The following LY96 variants were observed in gnomAD, a reference collection of about 807,000 sequenced individuals.
The protein encoded by LY96 is lymphocyte antigen 96, also known as myeloid differentiation protein-2.
In LY96, 18 loss-of-function variants were observed where a neutral mutation model predicts 18.9. The ratio of observed to expected loss-of-function variants is 0.95; its 90% CI spans 0.66 to 1.41. The LOEUF is 1.41. LY96 is among the 40% of genes most tolerant of loss of function. The probability of loss-of-function intolerance (pLI) is 0.00; values close to 1 mark genes in which losing one functional copy is unlikely to be tolerated. For missense variants in LY96, 175 were observed against 182.4 expected (o/e 0.96, Z 0.23); for synonymous variants, 66 against 62.6 (o/e 1.06, Z -0.26).
intron 3 of LY96, among the ~76,000 whole-genome samples, chr8:74,013,446 T>C (rs867105562): frequency 5.9e-5 from 9 of 152,226 alleles, no homozygotes; most frequent in Middle Eastern, 6.8e-3. Context: ...TAATTTTAAA[T>C]TTAATTTTAT....
At chr8:74,064,291 A>G in the LY96 span, among the ~76,000 whole-genome samples, 8,221 of 152,208 alleles carry the variant, frequency 0.054, 296 homozygotes, top group African/African-American at 0.1. Context: ...TATGTAATAT[A>G]GATTGGATAT....
chr8:74,053,578 A>C, the LY96 span, among the ~76,000 whole-genome samples: 1 of 152,182 alleles, frequency 6.6e-6, no homozygotes, highest in East Asian at 1.9e-4. Context: ...TCTAGGGGTC[A>C]TGCTATTTCA....
At chr8:74,088,091 AATAGAATAG>A in the LY96 span, among the ~76,000 whole-genome samples, 675 of 121,118 alleles carry the variant, frequency 5.6e-3, 4 homozygotes, top group African/African-American at 0.019. Context: ...AGAAGAATAG[AATAGAATAG>A]AATAGAATAG....
chr8:74,052,663 C>T, the LY96 span: 2 of 152,260 alleles, frequency 1.3e-5, no homozygotes, highest in East Asian at 3.9e-4. Flanking sequence ...GGCAGGAGCT[C>T]CACATGCTTC....
At chr8:74,003,675 C>T (rs1816347906) in intron 1 of LY96, among the ~76,000 whole-genome samples, 1 of 152,160 alleles carries the variant, frequency 6.6e-6, no homozygotes, top group Non-Finnish European at 1.5e-5. Context: ...TGTTTTTCCT[C>T]TCCCTATGTT....
At chr8:74,099,091 T>C in the LY96 span, among the ~76,000 whole-genome samples, 2 of 152,242 alleles carry the variant, frequency 1.3e-5, no homozygotes, top group Admixed American at 1.3e-4. Flanking sequence ...TAAATAATCT[T>C]TTATGGACTG....
chr8:74,097,288 C>T, the LY96 span, among the ~76,000 whole-genome samples: 44,585 of 151,970 alleles, frequency 0.29, 7,386 homozygotes, highest in East Asian at 0.41. Flanking sequence ...TGGCCCTTTC[C>T]GCCTGTGTGC....
chr8:74,047,344 C>A, the LY96 span, among the ~76,000 whole-genome samples: 1 of 152,156 alleles, frequency 6.6e-6, no homozygotes, highest in Non-Finnish European at 1.5e-5. Context: ...CCTTGCACAG[C>A]CAAGAAGGTG....
At chr8:74,024,025 C>T (rs1274101227) in intron 3 of LY96, among the ~76,000 whole-genome samples, 1 of 152,094 alleles carries the variant, frequency 6.6e-6, no homozygotes, top group Non-Finnish European at 1.5e-5. Flanking sequence ...TCATTTTGTG[C>T]TGGGCCTTGA....
intron 3 of LY96, among the ~76,000 whole-genome samples, chr8:74,013,521 C>G (rs1586655066): frequency 1.3e-5 from 2 of 152,022 alleles, no homozygotes; most frequent in Non-Finnish European, 2.9e-5. Context: ...CTCCTGGGCT[C>G]AAGTGATCCT....
chr8:74,025,654 CA>C (rs574843103), intron 3 of LY96, among the ~76,000 whole-genome samples: 21,513 of 68,732 alleles, frequency 0.31, 1,470 homozygotes, highest in Middle Eastern at 0.39. Flanking sequence ...AACTCCGTCT[CA>C]AAAAAAAAAA....
At chr8:74,086,965 G>T in the LY96 span, among the ~76,000 whole-genome samples, 15,858 of 152,228 alleles carry the variant, frequency 0.1, 1,822 homozygotes, top group African/African-American at 0.28. Flanking sequence ...ACCCACATTG[G>T]GGCTTTTTGT....
the LY96 span, among the ~76,000 whole-genome samples, chr8:74,097,537 G>A: frequency 9.9e-5 from 15 of 152,038 alleles, no homozygotes; most frequent in East Asian, 1.2e-3. Context: ...GTGAAACCCC[G>A]TCTCTCCTAA....
chr8:74,071,649 T>G, the LY96 span, among the ~76,000 whole-genome samples: 1 of 152,222 alleles, frequency 6.6e-6, no homozygotes, highest in Non-Finnish European at 1.5e-5. Context: ...GCCTCTCACC[T>G]CCAGGCCTAC....
the LY96 span, among the ~76,000 whole-genome samples, chr8:74,063,674 G>A: frequency 6.7e-6 from 1 of 150,078 alleles, no homozygotes; most frequent in Non-Finnish European, 1.5e-5. Flanking sequence ...GATCTATGAT[G>A]CACTTTATAA....
intron 1 of LY96, among the ~76,000 whole-genome samples, chr8:74,003,748 T>C (rs1456428895): frequency 1.3e-5 from 2 of 152,216 alleles, no homozygotes; most frequent in Non-Finnish European, 2.9e-5. Flanking sequence ...CAGATAGTGT[T>C]TATCAAGACT....
At chr8:74,017,231 G>A (rs576112849) in intron 3 of LY96, among the ~76,000 whole-genome samples, 12 of 152,296 alleles carry the variant, frequency 7.9e-5, no homozygotes, top group East Asian at 1.9e-4. Context: ...GATGAAAAGC[G>A]TGGCACGAGA....
intron 1 of LY96, among the ~76,000 whole-genome samples, chr8:74,001,987 C>CTTT (rs1816283671): frequency 7.4e-6 from 1 of 136,014 alleles, no homozygotes; most frequent in Admixed American, 7.5e-5. Context: ...TCCCTCCCTC[C>CTTT]CTCCCTCCTT....
chr8:74,090,785 C>A, the LY96 span, among the ~76,000 whole-genome samples: 1 of 152,190 alleles, frequency 6.6e-6, no homozygotes, highest in African/African-American at 2.4e-5. Context: ...GTTTCTCCAG[C>A]AATTTGGTAG....
Sources: allele counts gnomAD v4.1 joint callset (sites outside exome capture counted in the v4.1 genomes callset), GRCh38; gene constraint gnomAD v4.1.1; transcripts MANE v1.5; gene names NCBI Gene and HGNC (gene_info 2026-07-23, HGNC 2026-07-21).